The following GALNT13 variants were observed in gnomAD, a reference collection of about 807,000 sequenced individuals.
GALNT13 encodes polypeptide N-acetylgalactosaminyltransferase 13.
In GALNT13, 28 loss-of-function variants were observed where a neutral mutation model predicts 64.2. The observed-to-expected ratio is 0.44, with a 90% CI of 0.32 to 0.60. The LOEUF (loss-of-function observed/expected upper bound fraction) is 0.60, where lower values mean the gene tolerates loss of function less well. GALNT13 is among the 20% of genes least tolerant of loss of function. GALNT13 has a pLI of 0.05. For synonymous variants in GALNT13, 214 were observed against 224.6 expected (o/e 0.95, Z 0.42); for missense variants, 577 against 669.8 (o/e 0.86, Z 1.53).
the GALNT13 span, among the ~76,000 whole-genome samples, chr2:153,519,407 C>A: frequency 6.6e-6 from 1 of 152,158 alleles, no homozygotes; most frequent in Non-Finnish European, 1.5e-5. Flanking sequence ...TAGGAAATTA[C>A]AGTCAACAGG....
chr2:154,236,103 A>G, intron 4 of GALNT13: 2 of 1,159,718 alleles, frequency 1.7e-6, no homozygotes, highest in Non-Finnish European at 2.2e-6. Context: ...AGATTGTAAA[A>G]GAAGTGGAGA....
At chr2:153,998,470 G>A (rs7602556) in intron 3 of GALNT13, among the ~76,000 whole-genome samples, 28,264 of 151,844 alleles carry the variant, frequency 0.19, 3,374 homozygotes, top group Non-Finnish European at 0.26. Flanking sequence ...CATATCCTTC[G>A]CCCACTTTTT....
intron 9 of GALNT13, among the ~76,000 whole-genome samples, chr2:154,342,451 A>G (rs1265913887): frequency 6.6e-6 from 1 of 152,090 alleles, no homozygotes; most frequent in Non-Finnish European, 1.5e-5. Context: ...CTATGGCCAT[A>G]GAACAAATCG....
At chr2:154,250,074 T>A (rs1197644521) in intron 7 of GALNT13, among the ~76,000 whole-genome samples, 1 of 152,054 alleles carries the variant, frequency 6.6e-6, no homozygotes, top group East Asian at 1.9e-4. Context: ...AATTGAGAAA[T>A]TACCTAGTCT....
intron 9 of GALNT13, among the ~76,000 whole-genome samples, chr2:154,316,301 G>A (rs746819757): frequency 1.2e-4 from 18 of 152,100 alleles, no homozygotes; most frequent in East Asian, 3.9e-4. Flanking sequence ...AACATCTGTC[G>A]TTAACAAAAA....
the GALNT13 span, among the ~76,000 whole-genome samples, chr2:153,124,745 G>A: frequency 6.6e-6 from 1 of 152,232 alleles, no homozygotes; most frequent in African/African-American, 2.4e-5. Flanking sequence ...CTCGTGATCT[G>A]CCCACCTCGG....
At chr2:153,407,722 G>C in the GALNT13 span, among the ~76,000 whole-genome samples, 1 of 152,142 alleles carries the variant, frequency 6.6e-6, no homozygotes, top group Non-Finnish European at 1.5e-5. Flanking sequence ...AATTTCTATA[G>C]GTTCGTAAGT....
At chr2:154,145,386 A>G (rs1683534785) in intron 4 of GALNT13, among the ~76,000 whole-genome samples, 1 of 151,828 alleles carries the variant, frequency 6.6e-6, no homozygotes, top group Admixed American at 6.6e-5. Context: ...TTTGGATTTC[A>G]GAAGAGCAGG....
the GALNT13 span, among the ~76,000 whole-genome samples, chr2:153,471,980 C>T: frequency 6.6e-6 from 1 of 152,146 alleles, no homozygotes; most frequent in Non-Finnish European, 1.5e-5. Context: ...CATGAGTATA[C>T]AGTAAAGGAA....
intron 3 of GALNT13, among the ~76,000 whole-genome samples, chr2:154,012,896 A>G (rs1696743271): frequency 6.6e-6 from 1 of 151,850 alleles, no homozygotes; most frequent in African/African-American, 2.4e-5. Flanking sequence ...ATTGTTTTTC[A>G]ATTCTATCAG....
At chr2:153,132,459 T>C in the GALNT13 span, among the ~76,000 whole-genome samples, 1 of 152,182 alleles carries the variant, frequency 6.6e-6, no homozygotes, top group African/African-American at 2.4e-5. Context: ...TAATAGAGAC[T>C]ACCCATGTTT....
At chr2:153,674,645 G>A in the GALNT13 span, among the ~76,000 whole-genome samples, 1 of 152,120 alleles carries the variant, frequency 6.6e-6, no homozygotes, top group Non-Finnish European at 1.5e-5. Context: ...CATAGGCAAA[G>A]ACTTCATGAC....
chr2:153,644,869 C>T, the GALNT13 span, among the ~76,000 whole-genome samples: 11 of 152,044 alleles, frequency 7.2e-5, no homozygotes, highest in African/African-American at 2.7e-4. Context: ...TATATTGTTT[C>T]TTCTGTCCAT....
chr2:153,446,670 A>T, the GALNT13 span: 1 of 152,158 alleles, frequency 6.6e-6, no homozygotes, highest in Non-Finnish European at 1.5e-5. Context: ...ATTTACAGGG[A>T]CTACATTGAT....
At chr2:153,156,872 C>T in the GALNT13 span, among the ~76,000 whole-genome samples, 14 of 152,118 alleles carry the variant, frequency 9.2e-5, no homozygotes, top group Non-Finnish European at 1.9e-4. Flanking sequence ...AGTTGTGCCA[C>T]GCTGACAGTA....
intron 2 of GALNT13, among the ~76,000 whole-genome samples, chr2:153,911,095 T>A (rs1688907548): frequency 6.6e-6 from 1 of 152,182 alleles, no homozygotes; most frequent in Non-Finnish European, 1.5e-5. Flanking sequence ...TTTGTGAATC[T>A]GGATGCTTCT....
At chr2:154,046,734 A>C (rs1334611132) in intron 3 of GALNT13, among the ~76,000 whole-genome samples, 1 of 152,174 alleles carries the variant, frequency 6.6e-6, no homozygotes, top group Admixed American at 6.5e-5. Context: ...TGGTGTTCTT[A>C]TAAGAGGAAA....
At chr2:154,243,774 C>A (rs550402721) in intron 6 of GALNT13, among the ~76,000 whole-genome samples, 89 of 152,274 alleles carry the variant, frequency 5.8e-4, no homozygotes, top group Admixed American at 2.0e-3. Flanking sequence ...CTTGCATAGT[C>A]ATTTCGTCTA....
intron 11 of GALNT13, among the ~76,000 whole-genome samples, chr2:154,428,964 C>G (rs1203779038): frequency 6.6e-6 from 1 of 151,976 alleles, no homozygotes; most frequent in Non-Finnish European, 1.5e-5. Context: ...CAAACTGTAC[C>G]TATATAACAA....
Sources: allele counts gnomAD v4.1 joint callset (sites outside exome capture counted in the v4.1 genomes callset), GRCh38; gene constraint gnomAD v4.1.1; transcripts MANE v1.5; gene names NCBI Gene and HGNC (gene_info 2026-07-23, HGNC 2026-07-21).